The following DTNA variants were observed in gnomAD, a reference collection of about 807,000 sequenced individuals.
The protein encoded by DTNA is dystrophin-related protein 3.
In DTNA, 43 loss-of-function variants were observed where a neutral mutation model predicts 100.7. That is an observed-to-expected ratio of 0.43 (90% CI 0.33 to 0.55). DTNA has a LOEUF of 0.55. DTNA is among the 20% of genes least tolerant of loss of function. The pLI is 0.04. For synonymous variants in DTNA, 349 were observed against 347.9 expected, an observed-to-expected ratio of 1.00 and a Z score of -0.04; for missense variants, 798 against 953.9, an observed-to-expected ratio of 0.84 and a Z score of 2.15.
Position 34,888,137 on chromosome 18 carries a change from A to G in DTNA, c.*403A>G. The G allele has an allele frequency of 2.0e-6, 2 of 985,916 alleles. No individual in the cohort carries two copies. The highest frequency in any genetic ancestry group is 2.4e-6 in the Non-Finnish European group (2 of 829,944). The allele number at this position is 985,916 out of a possible 1,614,324, so 61.1% of individuals were successfully genotyped here. On this transcript the variant is annotated 3_prime_UTR_variant, in exon 23 of 23. Transcript: ENST00000444659. ...ATACACAATGGCAGTATTAACAAGC[A>G]TTTTAAACCTTTGCACATGATATTG...
In DTNA at chr18:34,652,199, G is replaced by T. The variant is rs62097193; in HGVS notation, c.-1-103777G>T. Among the ~76,000 whole-genome samples the T allele has an allele frequency of 6.8e-3, 1,037 of 152,092 alleles. 8 individuals carry two copies. Among genetic ancestry groups the T allele is most frequent in the Middle Eastern group, 0.01 (3 of 294 alleles). ...GTGAGTAGGAGTTAGCCAGACAGAG[G>T]GCGGGGGAGGGAGGACAAAAGTGGA... On this transcript the variant is annotated intron_variant, in intron 1 of 19. Transcript: ENST00000283365.
chr18:34,744,208 A>T (rs2091202375), intron 1 of DTNA, among the ~76,000 whole-genome samples: 1 of 152,218 alleles, frequency 6.6e-6, no homozygotes, highest in South Asian at 2.1e-4. Flanking sequence ...ATAGTAAATG[A>T]GAGGTTTCAT....
At chr18:34,741,786 G>T (rs1433893398) in intron 1 of DTNA, among the ~76,000 whole-genome samples, 1 of 152,060 alleles carries the variant, frequency 6.6e-6, no homozygotes, top group African/African-American at 2.4e-5. Flanking sequence ...TCTGATATTG[G>T]TCAATTTATT....
chr18:34,498,684 A>G (rs933013604), intron 1 of DTNA, among the ~76,000 whole-genome samples: 1 of 151,954 alleles, frequency 6.6e-6, no homozygotes, highest in Non-Finnish European at 1.5e-5. Context: ...ACAGCAACCA[A>G]ATTGGGTTTT....
chr18:34,663,959 G>T (rs539970360), intron 1 of DTNA, among the ~76,000 whole-genome samples: 132 of 152,166 alleles, frequency 8.7e-4, no homozygotes, highest in Non-Finnish European at 1.6e-3. Flanking sequence ...ACTATACCAA[G>T]TATGAGACAA....
chr18:34,721,766 A>G (rs2085370508), intron 1 of DTNA, among the ~76,000 whole-genome samples: 1 of 152,134 alleles, frequency 6.6e-6, no homozygotes. Context: ...ATTCCTACGT[A>G]TGTGTTTGTC....
At chr18:34,848,269 GTC>G in intron 13 of DTNA, 25 bp from the exon 14 acceptor site, 1 of 1,611,442 alleles carries the variant, frequency 6.2e-7, no homozygotes, top group Non-Finnish European at 8.5e-7. Context: ...TTGCCTAACG[GTC>G]TCCTTCTTGC....
intron 1 of DTNA, among the ~76,000 whole-genome samples, chr18:34,720,715 A>G (rs2085106353): frequency 6.6e-6 from 1 of 152,236 alleles, no homozygotes; most frequent in East Asian, 1.9e-4. Context: ...AGGAAGAGAG[A>G]GTGGAAGGAT....
chr18:34,670,603 G>A (rs955957456), intron 1 of DTNA, among the ~76,000 whole-genome samples: 9 of 152,194 alleles, frequency 5.9e-5, no homozygotes, highest in African/African-American at 1.4e-4. Flanking sequence ...GGGTTTTGGT[G>A]TGGATGTCCT....
At chr18:34,607,014 G>A (rs969962372) in intron 1 of DTNA, among the ~76,000 whole-genome samples, 2 of 152,118 alleles carry the variant, frequency 1.3e-5, no homozygotes, top group East Asian at 1.9e-4. Flanking sequence ...ACATTCCCAC[G>A]AAAGGGACTG....
intron 1 of DTNA, among the ~76,000 whole-genome samples, chr18:34,698,732 A>G (rs1250592514): frequency 1.3e-5 from 2 of 152,186 alleles, no homozygotes; most frequent in East Asian, 1.9e-4. Flanking sequence ...AGCATCTAGC[A>G]TGGGAGAAAG....
intron 3 of DTNA, among the ~76,000 whole-genome samples, chr18:34,775,198 G>A (rs2093980292): frequency 6.6e-6 from 1 of 152,140 alleles, no homozygotes; most frequent in African/African-American, 2.4e-5. Context: ...TTTAAAAGCA[G>A]AGAGTTAGCC....
In DTNA at chr18:34,741,410, C is replaced by T. The variant is rs1361400361; in HGVS notation, c.-1-14566C>T. Reference sequence around the variant, plus strand: ...TTTAATAACTTCAAAATAATCTTTGCTATATTTACCTCTATTAAATTTGTT... The same window carrying T: ...TTTAATAACTTCAAAATAATCTTTGTTATATTTACCTCTATTAAATTTGTT... On this transcript the variant is annotated intron_variant, in intron 1 of 22. Transcript: ENST00000444659. 2.6e-5 allele frequency among the ~76,000 whole-genome samples: 4 copies of T among 152,126 alleles called. No individual in the cohort carries two copies. In the East Asian group the frequency reaches 5.8e-4, roughly 22 times the overall value.
At chr18:34,819,974 C>T (rs1009306110) in intron 8 of DTNA, among the ~76,000 whole-genome samples, 7 of 143,788 alleles carry the variant, frequency 4.9e-5, no homozygotes, top group African/African-American at 1.5e-4. Context: ...AAAGCAATTG[C>T]GGTTTTTGCC....
intron 1 of DTNA, among the ~76,000 whole-genome samples, chr18:34,545,238 A>G (rs1415609024): frequency 1.3e-5 from 2 of 152,098 alleles, no homozygotes; most frequent in Non-Finnish European, 2.9e-5. Context: ...GATGCCCTGC[A>G]GTCTGGCTAG....
At chr18:34,660,289 A>G (rs896958611) in intron 1 of DTNA, among the ~76,000 whole-genome samples, 3 of 151,956 alleles carry the variant, frequency 2.0e-5, no homozygotes, top group African/African-American at 7.3e-5. Context: ...CGTGAGAGGA[A>G]GTGGGGGGTC....
chr18:34,526,943 T>C (rs2042680786), intron 1 of DTNA, among the ~76,000 whole-genome samples: 1 of 152,150 alleles, frequency 6.6e-6, no homozygotes, highest in African/African-American at 2.4e-5. Flanking sequence ...GCTGTGATGA[T>C]TTGTGGGTTC....
chr18:34,667,746 A>G (rs1433680536), intron 1 of DTNA, among the ~76,000 whole-genome samples: 1 of 152,170 alleles, frequency 6.6e-6, no homozygotes, highest in Non-Finnish European at 1.5e-5. Context: ...GCGTATGTTG[A>G]ACCAGCCTTG....
intron 3 of DTNA, among the ~76,000 whole-genome samples, chr18:34,773,695 A>C (rs962326258): frequency 6.6e-6 from 1 of 152,234 alleles, no homozygotes; most frequent in Non-Finnish European, 1.5e-5. Context: ...AAACAAACCT[A>C]TTAAAGATGC....
Sources: gnomAD v4.1 joint callset for allele counts (sites outside exome capture counted in the v4.1 genomes callset) on GRCh38, gnomAD v4.1.1 for gene constraint, MANE v1.5 for transcripts, NCBI Gene and HGNC (gene_info 2026-07-23, HGNC 2026-07-21) for gene names.